CDC73: variants seen among roughly 807,000 people sequenced by gnomAD.
CDC73 encodes cell division cycle 73.
CDC73 carries 21 observed loss-of-function variants against 83.7 expected under a neutral mutation model. That is an observed-to-expected ratio of 0.25 (90% CI 0.18 to 0.36). The LOEUF is 0.36. CDC73 is among the 10% of genes least tolerant of loss of function. The pLI, the probability that CDC73 is intolerant of heterozygous loss-of-function variation, is 1.00. For synonymous variants in CDC73, 224 were observed against 212.9 expected (o/e 1.05, Z -0.45); for missense variants, 342 against 653.3 (o/e 0.52, Z 5.19).
chr1:193,200,781 G>A (rs778221222), intron 10 of CDC73, among the ~76,000 whole-genome samples: 4 of 152,148 alleles, frequency 2.6e-5, no homozygotes, highest in East Asian at 1.9e-4. Context: ...GTGTGCGCGC[G>A]TGCGTATAGC....
At chr1:193,166,930 A>C (rs1330916712) in intron 10 of CDC73, among the ~76,000 whole-genome samples, 2 of 152,218 alleles carry the variant, frequency 1.3e-5, no homozygotes, top group African/African-American at 4.8e-5. Flanking sequence ...AATGAGAATA[A>C]TGGAATTTCT....
chr1:193,237,727 GCGGCTGCTGTGA>G (rs1405004664), intron 15 of CDC73, among the ~76,000 whole-genome samples: 1 of 152,132 alleles, frequency 6.6e-6, no homozygotes, highest in Non-Finnish European at 1.5e-5. Flanking sequence ...TGTCAGGGCT[GCGGCTGCTGTGA>G]CTCTTTACGG....
At chr1:193,136,062 A>C (rs576667983) in intron 5 of CDC73, among the ~76,000 whole-genome samples, 1 of 151,816 alleles carries the variant, frequency 6.6e-6, no homozygotes, top group East Asian at 1.9e-4. Flanking sequence ...TAATAGAGAC[A>C]GGGTTTTCCG....
chr1:193,186,785 G>A (rs1676817889), intron 10 of CDC73: 1 of 152,086 alleles, frequency 6.6e-6, no homozygotes, highest in African/African-American at 2.4e-5. Flanking sequence ...AGTGATGAGT[G>A]AATAATTTGA....
intron 13 of CDC73, among the ~76,000 whole-genome samples, chr1:193,217,059 A>T (rs1229264752): frequency 2.0e-5 from 3 of 152,060 alleles, no homozygotes; most frequent in African/African-American, 7.2e-5. Context: ...CACCACCCCT[A>T]TTCAACGTAG....
chr1:193,162,686 C>T (rs1371636462), intron 10 of CDC73, among the ~76,000 whole-genome samples: 2 of 151,974 alleles, frequency 1.3e-5, no homozygotes, highest in Non-Finnish European at 2.9e-5. Flanking sequence ...CATTTTTACA[C>T]ATTACAATTA....
intron 10 of CDC73, chr1:193,180,517 G>C: frequency 6.2e-7 from 1 of 1,614,004 alleles, no homozygotes; most frequent in South Asian, 1.1e-5. Flanking sequence ...TCTCAACTTG[G>C]CAAGACAGAT....
intron 10 of CDC73, among the ~76,000 whole-genome samples, chr1:193,161,578 TATAATATATAATAG>T (rs1240868118): frequency 1.3e-4 from 16 of 125,544 alleles, no homozygotes; most frequent in South Asian, 2.2e-4. Context: ...TATATTATTA[TATAATATATAATAG>T]ATAATATATA....
At chr1:193,136,449 C>G in intron 5 of CDC73, 1 of 257,320 alleles carries the variant, frequency 3.9e-6, no homozygotes, top group Non-Finnish European at 9.0e-6. Context: ...ATTGTTATTG[C>G]TCTATGCTAT....
chr1:193,182,375 G>T (rs1676731862), intron 10 of CDC73, among the ~76,000 whole-genome samples: 1 of 152,044 alleles, frequency 6.6e-6, no homozygotes, highest in African/African-American at 2.4e-5. Context: ...TGATATAATT[G>T]TTCTTAGACT....
At chr1:193,145,326 AC>A (rs1171397387) in intron 7 of CDC73, among the ~76,000 whole-genome samples, 2 of 152,054 alleles carry the variant, frequency 1.3e-5, no homozygotes, top group Non-Finnish European at 2.9e-5. Flanking sequence ...TACCTGAAAA[AC>A]CTTTTCCAGC....
At chr1:193,137,951 G>C (rs1261071483) in intron 5 of CDC73, 134 bp from the exon 6 acceptor site, 1 of 709,678 alleles carries the variant, frequency 1.4e-6, no homozygotes, top group Non-Finnish European at 2.6e-6. Flanking sequence ...AAGTAGTCTT[G>C]AAGTTGGCCT....
Position 193,203,780 on chromosome 1 carries a change from C to G in CDC73, c.973-15C>G. On this transcript the variant is annotated splice_polypyrimidine_tract_variant and intron_variant, in intron 10 of 16. Coordinates refer to ENST00000367435, the MANE Select transcript of CDC73 (RefSeq NM_024529.5). ...GAAACTTTGATCTTATATATCAATT[C>G]TTATTCTTTTAAAGGAGGGTGCATC... 1 of 1,600,684 alleles carries G rather than the reference C, an allele frequency of 6.2e-7. No homozygotes were observed. Among genetic ancestry groups the G allele is most frequent in the Non-Finnish European group, 8.6e-7 (1 of 1,167,908 alleles).
intron 10 of CDC73, among the ~76,000 whole-genome samples, chr1:193,201,337 AATAG>A (rs770264983): frequency 9.9e-5 from 15 of 152,282 alleles, no homozygotes; most frequent in South Asian, 4.1e-4. Context: ...GGCCACTAGA[AATAG>A]ATAGTAGATA....
intron 5 of CDC73, 39 bp downstream of exon 5, chr1:193,135,628 TTA>T: frequency 6.8e-7 from 1 of 1,466,712 alleles, no homozygotes; most frequent in South Asian, 1.2e-5. Context: ...ATTTATATTG[TTA>T]TTGAAATTGG....
chr1:193,143,730 C>T (rs1234394068), intron 7 of CDC73, among the ~76,000 whole-genome samples: 2 of 152,068 alleles, frequency 1.3e-5, no homozygotes, highest in Admixed American at 1.3e-4. Flanking sequence ...GTACTTAAAG[C>T]CCTGTGGGTT....
intron 15 of CDC73, among the ~76,000 whole-genome samples, chr1:193,238,505 T>TA (rs1408481292): frequency 6.6e-6 from 1 of 152,192 alleles, no homozygotes; most frequent in African/African-American, 2.4e-5. Flanking sequence ...CTTTTTAAGT[T>TA]ACTTTCCAAG....
chr1:193,205,122 G>C (rs1572197678), intron 11 of CDC73, among the ~76,000 whole-genome samples: 1 of 122,118 alleles, frequency 8.2e-6, no homozygotes, highest in Non-Finnish European at 1.7e-5. Context: ...TTTTGGGTTT[G>C]TTTTTGGTGT....
intron 13 of CDC73, among the ~76,000 whole-genome samples, chr1:193,216,367 A>G (rs1677367506): frequency 6.6e-6 from 1 of 152,214 alleles, no homozygotes; most frequent in East Asian, 1.9e-4. Flanking sequence ...CTAGAAACAT[A>G]TAATCTCTCA....
Sources: gnomAD v4.1 joint callset for allele counts (sites outside exome capture counted in the v4.1 genomes callset) on GRCh38, gnomAD v4.1.1 for gene constraint, MANE v1.5 for transcripts, NCBI Gene and HGNC (gene_info 2026-07-23, HGNC 2026-07-21) for gene names.